The following SLC35F2 variants were observed in gnomAD, a reference collection of about 807,000 sequenced individuals.
SLC35F2 encodes the protein queuine/queuosine transporter SLC35F2.
Under a neutral mutation model 38.1 loss-of-function variants are expected in SLC35F2, and 25 were observed. The observed-to-expected ratio is 0.66, with a 90% CI of 0.48 to 0.92. The LOEUF is 0.92. SLC35F2 is among the 40% of genes least tolerant of loss of function. SLC35F2 has a pLI of 0.00. For missense variants in SLC35F2, 409 were observed against 452.9 expected, an observed-to-expected ratio of 0.90 and a Z score of 0.88; for synonymous variants, 173 against 181.7, an observed-to-expected ratio of 0.95 and a Z score of 0.38.
chr11:107,801,513 TC>T (rs1246628591), intron 7 of SLC35F2, among the ~76,000 whole-genome samples: 1 of 152,194 alleles, frequency 6.6e-6, no homozygotes. Context: ...TTTTAATTTC[TC>T]AGTTTTCAGT....
chr11:107,826,402 G>A (rs1400887086), intron 1 of SLC35F2, among the ~76,000 whole-genome samples: 1 of 151,690 alleles, frequency 6.6e-6, no homozygotes, highest in African/African-American at 2.4e-5. Flanking sequence ...GTGCCACCAC[G>A]TCCAACCAAT....
chr11:107,853,856 A>G (rs986278227), intron 1 of SLC35F2, among the ~76,000 whole-genome samples: 2 of 151,978 alleles, frequency 1.3e-5, no homozygotes, highest in Non-Finnish European at 2.9e-5. Context: ...AAATATATAA[A>G]ATAATAATTA....
At chr11:107,832,197 T>G (rs1008347415) in intron 1 of SLC35F2, among the ~76,000 whole-genome samples, 2 of 152,210 alleles carry the variant, frequency 1.3e-5, no homozygotes, top group African/African-American at 2.4e-5. Context: ...AGTAACCCAC[T>G]AGGTTATATC....
chr11:107,852,899 C>G (rs1020643224), intron 1 of SLC35F2, among the ~76,000 whole-genome samples: 12 of 151,408 alleles, frequency 7.9e-5, no homozygotes, highest in African/African-American at 2.9e-4. Context: ...AAAAATTTAG[C>G]CAGGCGTGGT....
intron 1 of SLC35F2, among the ~76,000 whole-genome samples, chr11:107,828,476 A>T (rs1275394748): frequency 6.6e-6 from 1 of 151,870 alleles, no homozygotes. Flanking sequence ...ATTTTTTTTA[A>T]CTTGCTGGTC....
intron 1 of SLC35F2, among the ~76,000 whole-genome samples, chr11:107,839,397 G>A (rs948950426): frequency 1.3e-5 from 2 of 152,058 alleles, no homozygotes; most frequent in African/African-American, 4.8e-5. Flanking sequence ...GGAGGCAGAG[G>A]TTACAGTGAG....
chr11:107,830,906 C>CA (rs1222966730), intron 1 of SLC35F2, among the ~76,000 whole-genome samples: 15 of 151,798 alleles, frequency 9.9e-5, no homozygotes, highest in Non-Finnish European at 2.1e-4. Flanking sequence ...AGATTCCTGG[C>CA]AAAAAATAAT....
At chr11:107,837,597 C>T (rs572816562) in intron 1 of SLC35F2, among the ~76,000 whole-genome samples, 128 of 151,358 alleles carry the variant, frequency 8.5e-4, no homozygotes, top group South Asian at 1.7e-3. Flanking sequence ...GGGAGGCTGA[C>T]GCAGGAGAAT....
Position 107,809,460 on chromosome 11 carries a change from C to CAA in SLC35F2, c.414+2205_414+2206dup, listed in dbSNP as rs775009107. 6.9e-3 allele frequency among the ~76,000 whole-genome samples: 729 copies of CAA among 106,170 alleles called. 9 individuals are homozygous for CAA. The highest frequency in any genetic ancestry group is 9.1e-3 in the Non-Finnish European group (482 of 53,000). The allele number at this position is 106,170 out of a possible 152,430, so 69.7% of individuals were successfully genotyped here. ...TCGGTGACAGAATGAGACTCCACCT[C>CAA]AAAAAAAAAAAAAAAAAAAAAATTA... On this transcript the variant is annotated intron_variant, in intron 3 of 7. Coordinates refer to ENST00000525815, the MANE Select transcript of SLC35F2 (RefSeq NM_017515.5).
In SLC35F2 at chr11:107,792,161, C is replaced by CGAAAAAAAAAAAAAAA. The variant is rs767622537; in HGVS notation, c.*453_*454insTTTTTTTTTTTTTTTC. On this transcript the variant is annotated 3_prime_UTR_variant, in exon 8 of 8. Coordinates refer to ENST00000525815, the MANE Select transcript of SLC35F2 (RefSeq NM_017515.5). Reference sequence around the variant, plus strand: ...GGCCTGTGGACAATAACTGCCTCAGCAAAAAAAAAAAAAAAAAAAAACCTT... The same window carrying CGAAAAAAAAAAAAAAA: ...GGCCTGTGGACAATAACTGCCTCAGCGAAAAAAAAAAAAAAAAAAAAAAAAAAAAAAAAAAAACCTT... 2 of 78,088 alleles carry CGAAAAAAAAAAAAAAA rather than the reference C, an allele frequency of 2.6e-5. No homozygotes were observed. Among genetic ancestry groups the CGAAAAAAAAAAAAAAA allele is most frequent in the Admixed American group, 1.5e-4 (1 of 6,568 alleles). 4.8% of individuals were successfully genotyped at this position (78,088 alleles called of 1,614,324 possible). A position where few individuals can be genotyped will look rare whatever the true frequency, so the allele number is the denominator to read the frequency against.
chr11:107,814,252 A>G (rs991235110), intron 2 of SLC35F2, among the ~76,000 whole-genome samples: 5 of 152,018 alleles, frequency 3.3e-5, no homozygotes, highest in African/African-American at 1.2e-4. Flanking sequence ...CAGATCACGT[A>G]AGGTCAGGAG....
intron 3 of SLC35F2, chr11:107,810,087 G>T (rs548623455): frequency 4.1e-6 from 4 of 985,224 alleles, no homozygotes; most frequent in Non-Finnish European, 3.6e-6. Flanking sequence ...CATCCTTTTG[G>T]ACTACCCAGG....
intron 1 of SLC35F2, among the ~76,000 whole-genome samples, chr11:107,837,269 A>G (rs1249148544): frequency 2.0e-5 from 3 of 152,178 alleles, no homozygotes; most frequent in African/African-American, 2.4e-5. Flanking sequence ...ACAACACTAT[A>G]TATGTATCAT....
intron 1 of SLC35F2, among the ~76,000 whole-genome samples, chr11:107,850,990 C>T (rs755623217): frequency 4.6e-5 from 7 of 151,934 alleles, no homozygotes; most frequent in South Asian, 2.1e-4. Flanking sequence ...TTTAGCTGGG[C>T]GCGGTGGCTC....
chr11:107,817,982 G>A (rs1290181888), intron 1 of SLC35F2, among the ~76,000 whole-genome samples: 3 of 150,118 alleles, frequency 2.0e-5, no homozygotes, highest in Non-Finnish European at 3.0e-5. Context: ...GCTTGAACCC[G>A]GGAGGCGGAG....
intron 3 of SLC35F2, chr11:107,810,877 T>C (rs1859469751): frequency 1.0e-6 from 1 of 981,676 alleles, no homozygotes; most frequent in African/African-American, 1.7e-5. Context: ...AACATCTCTG[T>C]ATTTTGTATA....
At chr11:107,839,747 G>A (rs865941860) in intron 1 of SLC35F2, among the ~76,000 whole-genome samples, 1 of 152,236 alleles carries the variant, frequency 6.6e-6, no homozygotes, top group Middle Eastern at 3.4e-3. Flanking sequence ...TCTGCCTCCT[G>A]GGTTCAAGCG....
intron 2 of SLC35F2, among the ~76,000 whole-genome samples, chr11:107,814,703 C>T (rs995382311): frequency 1.1e-4 from 17 of 152,188 alleles, no homozygotes; most frequent in African/African-American, 3.9e-4. Context: ...TGGCTCACAC[C>T]TGTAATCTCA....
rs183535881 is a variant in SLC35F2 at position 107,793,888 on chromosome 11, C to G, written c.940-1088G>C. ...TTTTTGGTGACCTTCCCCAACTTTC[C>G]CCTTCCTAAGACTGAAAACCACCAC... On this transcript the variant is annotated intron_variant, in intron 7 of 7. Coordinates refer to ENST00000525815, the MANE Select transcript of SLC35F2 (RefSeq NM_017515.5). Among the ~76,000 whole-genome samples, 226 of 151,918 alleles carry G rather than the reference C, an allele frequency of 1.5e-3. 2 individuals are homozygous for G. Among genetic ancestry groups the G allele is most frequent in the Non-Finnish European group, 7.4e-5 (5 of 67,940 alleles).
Sources: gnomAD v4.1 joint callset for allele counts (sites outside exome capture counted in the v4.1 genomes callset) on GRCh38, gnomAD v4.1.1 for gene constraint, MANE v1.5 for transcripts, NCBI Gene and HGNC (gene_info 2026-07-23, HGNC 2026-07-21) for gene names.